ZNF521: variants seen among roughly 807,000 people sequenced by gnomAD.
ZNF521 encodes the protein LYST-interacting protein 3.
ZNF521 carries 14 observed loss-of-function variants against 105.5 expected under a neutral mutation model. The observed-to-expected ratio is 0.13, with a 90% CI of 0.09 to 0.21. The LOEUF (loss-of-function observed/expected upper bound fraction) is 0.21. ZNF521 is among the 10% of genes least tolerant of loss of function. The pLI, the probability that ZNF521 is intolerant of heterozygous loss-of-function variation, is 1.00. For synonymous variants in ZNF521, 635 were observed against 606.0 expected (o/e 1.05, Z -0.70); for missense variants, 1,233 against 1,629.7 (o/e 0.76, Z 4.19).
At chr18:25,305,295 G>C (rs144948119) in intron 3 of ZNF521, among the ~76,000 whole-genome samples, 2 of 151,962 alleles carry the variant, frequency 1.3e-5, no homozygotes, top group African/African-American at 4.8e-5. Context: ...TCTAATTTTT[G>C]AGCTAATTTA....
chr18:25,215,378 G>A (rs1245008547), intron 4 of ZNF521, among the ~76,000 whole-genome samples: 1 of 152,108 alleles, frequency 6.6e-6, no homozygotes, highest in Admixed American at 6.5e-5. Context: ...TACATCATGT[G>A]GTAGGTAGAG....
intron 3 of ZNF521, among the ~76,000 whole-genome samples, chr18:25,261,555 C>A (rs1392723126): frequency 1.3e-5 from 2 of 152,042 alleles, no homozygotes; most frequent in Non-Finnish European, 2.9e-5. Context: ...AAACAAAAAG[C>A]CAAAAGAATT....
chr18:25,225,410 T>A lies in ZNF521; in HGVS notation c.2508A>T (p.Glu836Asp). 1 of 1,614,186 alleles carries A rather than the reference T, an allele frequency of 6.2e-7. No individual in the cohort carries two copies. Among genetic ancestry groups the A allele is most frequent in the Non-Finnish European group, 8.5e-7 (1 of 1,180,016 alleles). The change falls in exon 4 of 8, where the codon GAA becomes GAT. Residue 836 changes from glutamate to aspartate, a missense_variant. Physicochemically the swap from Glu to Asp is conservative, Grantham distance 45 (BLOSUM62 2). Coordinates refer to ENST00000361524, the MANE Select transcript of ZNF521 (RefSeq NM_015461.3). This position sits in a 1 kb window ranked among gnomAD's most constrained non-coding sequence, Gnocchi z 5.6. Reference protein sequence around the residue: ...KHLREKHCVFETKTPNCGTNG... With the variant: ...KHLREKHCVFDTKTPNCGTNG... ...TTGTTCCACAGTTGGGTGTCTTGGT[T>A]TCGAATACACAGTGTTTTTCTCGCA...
At chr18:25,167,025 C>T (rs1308435273) in intron 5 of ZNF521, among the ~76,000 whole-genome samples, 1 of 152,110 alleles carries the variant, frequency 6.6e-6, no homozygotes, top group Non-Finnish European at 1.5e-5. Context: ...TGCTTTTCTG[C>T]TGATTCAGCC....
chr18:25,240,506 C>T (rs1000510672), intron 3 of ZNF521, among the ~76,000 whole-genome samples: 1 of 152,176 alleles, frequency 6.6e-6, no homozygotes, highest in African/African-American at 2.4e-5. Context: ...GACATAAACA[C>T]GAGAGGGCTG....
intron 5 of ZNF521, among the ~76,000 whole-genome samples, chr18:25,179,450 G>T (rs1217793177): frequency 2.0e-5 from 3 of 151,904 alleles, no homozygotes; most frequent in East Asian, 1.9e-4. Context: ...CTAGTTGTTG[G>T]TGGTGGTAGT....
At chr18:25,096,917 G>A (rs2033863296) in intron 5 of ZNF521, among the ~76,000 whole-genome samples, 1 of 152,138 alleles carries the variant, frequency 6.6e-6, no homozygotes, top group African/African-American at 2.4e-5. Flanking sequence ...TCCAAACAGA[G>A]GAATCAAATG....
At chr18:25,331,093 C>T (rs181071050) in intron 2 of ZNF521, among the ~76,000 whole-genome samples, 1 of 152,142 alleles carries the variant, frequency 6.6e-6, no homozygotes, top group Non-Finnish European at 1.5e-5. Flanking sequence ...TTCCAACTAC[C>T]CTGATGCCTT....
intron 3 of ZNF521, among the ~76,000 whole-genome samples, chr18:25,277,505 C>T (rs1159533804): frequency 1.3e-5 from 2 of 152,094 alleles, no homozygotes; most frequent in African/African-American, 2.4e-5. Context: ...AAACTCGGAC[C>T]CTCAACTATT....
At chr18:25,246,029 A>G (rs6508355) in intron 3 of ZNF521, among the ~76,000 whole-genome samples, 57,772 of 151,470 alleles carry the variant, frequency 0.38, 11,435 homozygotes, top group African/African-American at 0.47. Flanking sequence ...ACAGCCAAAC[A>G]TGCTAACCGA....
intron 2 of ZNF521, among the ~76,000 whole-genome samples, chr18:25,328,774 G>A (rs879505216): frequency 9.9e-5 from 15 of 151,910 alleles, no homozygotes; most frequent in South Asian, 2.1e-4. Context: ...GGATGGTCTC[G>A]ATCTTCTGAC....
intron 5 of ZNF521, among the ~76,000 whole-genome samples, chr18:25,179,308 T>G (rs909514708): frequency 6.6e-6 from 1 of 151,246 alleles, no homozygotes; most frequent in African/African-American, 2.4e-5. Flanking sequence ...TGCCACCACA[T>G]CTGGCTAATT....
At chr18:25,292,072 T>C (rs1911063000) in intron 3 of ZNF521, among the ~76,000 whole-genome samples, 1 of 152,322 alleles carries the variant, frequency 6.6e-6, no homozygotes, top group African/African-American at 2.4e-5. Flanking sequence ...GAAAAAGTGC[T>C]ATCCAAGGTT....
intron 5 of ZNF521, among the ~76,000 whole-genome samples, chr18:25,102,068 A>G (rs2033975798): frequency 1.3e-5 from 2 of 152,178 alleles, no homozygotes; most frequent in Admixed American, 1.3e-4. Context: ...TCCAGACTAT[A>G]TTTTGGATAA....
chr18:25,092,158 G>T, intron 5 of ZNF521, 77 bp from the exon 6 acceptor site: 1 of 1,528,384 alleles, frequency 6.5e-7, no homozygotes. Context: ...ATCTTTAATT[G>T]CATATATTAA....
chr18:25,255,843 T>C (rs1355516829), intron 3 of ZNF521, among the ~76,000 whole-genome samples: 2 of 151,874 alleles, frequency 1.3e-5, no homozygotes, highest in African/African-American at 4.8e-5. Flanking sequence ...TGCATGTCCA[T>C]GTTCACTGCA....
At chr18:25,117,427 A>G (rs1414902036) in intron 5 of ZNF521, among the ~76,000 whole-genome samples, 1 of 152,138 alleles carries the variant, frequency 6.6e-6, no homozygotes, top group African/African-American at 2.4e-5. Context: ...AAAATAGACA[A>G]TGTGACCTAT....
intron 5 of ZNF521, among the ~76,000 whole-genome samples, chr18:25,128,639 A>G (rs1452814220): frequency 6.6e-6 from 1 of 152,034 alleles, no homozygotes; most frequent in East Asian, 1.9e-4. Context: ...TATACAAGTC[A>G]ACTGCAGTCT....
chr18:25,115,999 G>A (rs1013374877), intron 5 of ZNF521, among the ~76,000 whole-genome samples: 3 of 152,208 alleles, frequency 2.0e-5, no homozygotes, highest in Non-Finnish European at 4.4e-5. Flanking sequence ...TAGGGTTAAG[G>A]TGGTAAAAAG....
Sources: gnomAD v4.1 joint callset for allele counts (sites outside exome capture counted in the v4.1 genomes callset) on GRCh38, gnomAD v4.1.1 for gene constraint, Gnocchi (gnomAD v3.1) non-coding constraint, MANE v1.5 for transcripts, NCBI Gene and HGNC (gene_info 2026-07-23, HGNC 2026-07-21) for gene names.